The following IST1 variants were observed in gnomAD, a reference collection of about 807,000 sequenced individuals.
IST1 encodes IST1 factor associated with ESCRT-III.
A neutral mutation model predicts 37.0 loss-of-function variants in IST1; 23 were observed. That is an observed-to-expected ratio of 0.62 (90% CI 0.45 to 0.88). IST1 has a LOEUF of 0.88. IST1 is among the 40% of genes least tolerant of loss of function. IST1 has a pLI of 0.00. For synonymous variants in IST1, 180 were observed against 161.7 expected, an observed-to-expected ratio of 1.11 and a Z score of -0.86; for missense variants, 488 against 445.4, an observed-to-expected ratio of 1.10 and a Z score of -0.86.
intron 1 of IST1, among the ~76,000 whole-genome samples, chr16:71,905,806 T>C (rs762885246): frequency 1.3e-5 from 2 of 152,214 alleles, no homozygotes; most frequent in Non-Finnish European, 2.9e-5. Context: ...TTGGTTATCT[T>C]ATGTATTACA....
intron 8 of IST1, chr16:71,924,436 C>G (rs1177388049): frequency 4.6e-6 from 2 of 438,910 alleles, no homozygotes; most frequent in Non-Finnish European, 8.5e-6. Flanking sequence ...ACCCAAAATA[C>G]AAAAATTGGC....
rs777380090 is a variant in IST1, at chr16:71,917,019, T to C, written c.270-28T>C. The C allele has an allele frequency of 1.8e-5, 26 of 1,444,596 alleles. No homozygotes were observed. In the East Asian group the frequency reaches 5.9e-4, roughly 33 times the overall value. 89.5% of individuals were successfully genotyped at this position (1,444,596 alleles called of 1,614,324 possible). A position where few individuals can be genotyped will look rare whatever the true frequency, so the allele number is the denominator to read the frequency against. Reference sequence around the variant, plus strand: ...GATTTTGTTGGTTTGTTTTAAAGAATGTTATATTAATTTTTTTCCTTGATT... The same window carrying C: ...GATTTTGTTGGTTTGTTTTAAAGAACGTTATATTAATTTTTTTCCTTGATT... On this transcript the variant is annotated intron_variant, in intron 3 of 9. Coordinates refer to ENST00000378799, the MANE Select transcript of IST1 (RefSeq NM_001270975.2).
At chr16:71,917,750 A>G (rs937405365) in intron 4 of IST1, among the ~76,000 whole-genome samples, 14 of 149,828 alleles carry the variant, frequency 9.3e-5, no homozygotes, top group African/African-American at 3.2e-4. Flanking sequence ...ATCTACTGAG[A>G]TTTCCTTCTT....
chr16:71,922,356 T>G, intron 6 of IST1, 118 bp from the exon 7 acceptor site: 3 of 812,886 alleles, frequency 3.7e-6, no homozygotes, highest in Non-Finnish European at 6.2e-6. Flanking sequence ...CCACAGGTGT[T>G]GATCCCAGAA....
At chr16:71,910,985 CA>C (rs753931103) in intron 1 of IST1, among the ~76,000 whole-genome samples, 3 of 151,568 alleles carry the variant, frequency 2.0e-5, no homozygotes, top group East Asian at 1.9e-4. Context: ...TAAAAACAAA[CA>C]AAAAAAACAT....
chr16:71,913,793 ACT>A (rs1388255455), intron 1 of IST1, among the ~76,000 whole-genome samples: 1 of 151,604 alleles, frequency 6.6e-6, no homozygotes, highest in Admixed American at 6.6e-5. Flanking sequence ...AAGCCACCAC[ACT>A]CACACCCTAC....
chr16:71,900,514 T>C (rs2037084066), intron 1 of IST1, among the ~76,000 whole-genome samples: 1 of 151,982 alleles, frequency 6.6e-6, no homozygotes, highest in Non-Finnish European at 1.5e-5. Flanking sequence ...ATGGGGAGGC[T>C]AACTAGCTCG....
chr16:71,897,909 A>G (rs2037012403), intron 1 of IST1, among the ~76,000 whole-genome samples: 2 of 152,236 alleles, frequency 1.3e-5, no homozygotes, highest in Non-Finnish European at 2.9e-5. Context: ...AGATCGTGCC[A>G]CTGCACTCCA....
At chr16:71,919,993 A>C (rs2037544422) in intron 4 of IST1, among the ~76,000 whole-genome samples, 1 of 152,218 alleles carries the variant, frequency 6.6e-6, no homozygotes. Context: ...ACACTGAACA[A>C]AGGGGGTAAA....
chr16:71,899,629 A>G (rs1201434642), intron 1 of IST1, among the ~76,000 whole-genome samples: 2 of 152,124 alleles, frequency 1.3e-5, no homozygotes, highest in Non-Finnish European at 2.9e-5. Flanking sequence ...TAATCCCAGC[A>G]CTCTGGGAGG....
At position 71,931,010 on chromosome 16, in the gene IST1, A is replaced by G. The variant is rs545647552; in HGVS notation, c.*3197A>G. On this transcript the variant is annotated 3_prime_UTR_variant, in exon 10 of 10. Transcript: ENST00000378799. ...TCAGGTCAACCAGATAATGTGGGCA[A>G]TCTCTGAGTTTGTGATACAAGACTT... 2.0e-5 allele frequency: 3 copies of G among 152,334 alleles called. No homozygotes were observed. Among genetic ancestry groups the G allele is most frequent in the South Asian group, 2.1e-4 (1 of 4,834 alleles). 9.4% of individuals were successfully genotyped at this position (152,334 alleles called of 1,614,324 possible).
intron 1 of IST1, among the ~76,000 whole-genome samples, chr16:71,906,618 G>A (rs570438487): frequency 1.3e-5 from 2 of 152,040 alleles, no homozygotes; most frequent in Non-Finnish European, 2.9e-5. Context: ...GACCTGGCCC[G>A]CAATTCTTTT....
At chr16:71,897,861 C>G (rs1277372665) in intron 1 of IST1, among the ~76,000 whole-genome samples, 1 of 152,116 alleles carries the variant, frequency 6.6e-6, no homozygotes, top group Non-Finnish European at 1.5e-5. Context: ...AGGAGAATTG[C>G]TTGCTCGAAC....
At position 71,924,765 on chromosome 16, in the gene IST1, T is replaced by C. The variant is rs1425106932; in HGVS notation, c.853-4T>C. On this transcript the variant is annotated splice_region_variant and splice_polypyrimidine_tract_variant and intron_variant, in intron 8 of 9. Coordinates refer to ENST00000378799, the MANE Select transcript of IST1 (RefSeq NM_001270975.2). ...CTCCTCTGGTAACAATCTTTGTGTT[T>C]CAGGTAGATGACATTAATGCTGATA... 1 of 1,605,464 alleles carries C rather than the reference T, an allele frequency of 6.2e-7. No individual in the cohort carries two copies. The highest frequency in any genetic ancestry group is 8.5e-7 in the Non-Finnish European group (1 of 1,171,984).
At chr16:71,894,794 C>G, upstream of IST1, 1 of 1,513,370 alleles carries the variant, frequency 6.6e-7, no homozygotes. Flanking sequence ...CCCCGCCTCT[C>G]AAAGTGCTGG....
chr16:71,911,863 C>T (rs903685508), intron 1 of IST1, among the ~76,000 whole-genome samples: 2 of 152,034 alleles, frequency 1.3e-5, no homozygotes, highest in East Asian at 1.9e-4. Flanking sequence ...ACTACAGGCT[C>T]GCACCACCAT....
At position 71,929,251 on chromosome 16, in the gene IST1, G is replaced by A. The variant is rs2037829592; in HGVS notation, c.*1438G>A. On this transcript the variant is annotated 3_prime_UTR_variant, in exon 10 of 10. Transcript: ENST00000378799. ...CTTGGATGTTTATTTTTAGTAAGTT[G>A]CAGTGAGCTCACTTCTGACTGCTTC... 1 of 262,134 alleles carries A rather than the reference G, an allele frequency of 3.8e-6. No individual in the cohort carries two copies. The highest frequency in any genetic ancestry group is 8.0e-5 in the East Asian group (1 of 12,530). The allele number at this position is 262,134 out of a possible 1,614,324, so 16.2% of individuals were successfully genotyped here.
upstream of IST1, chr16:71,895,046 T>TGG: frequency 6.1e-6 from 3 of 491,392 alleles, no homozygotes; most frequent in Non-Finnish European, 7.3e-6. Flanking sequence ...ACGGAGGCGC[T>TGG]GGGTGAAGAG....
At chr16:71,927,538 AT>A (rs1206680571) in intron 9 of IST1, 75 bp from the exon 10 acceptor site, 17 of 1,055,916 alleles carry the variant, frequency 1.6e-5, no homozygotes, top group Non-Finnish European at 2.3e-5. Context: ...TGTTTTGATC[AT>A]TTTATTTTTA....
Sources: allele counts gnomAD v4.1 joint callset (sites outside exome capture counted in the v4.1 genomes callset), GRCh38; gene constraint gnomAD v4.1.1; transcripts MANE v1.5; gene names NCBI Gene and HGNC (gene_info 2026-07-23, HGNC 2026-07-21).